SPEF2: variants seen among roughly 807,000 people sequenced by gnomAD.
SPEF2 encodes sperm flagellar and cilia associated 2, also known as sperm flagella and cilia-associated protein 2.
A neutral mutation model predicts 224.6 loss-of-function variants in SPEF2; 187 were observed. The ratio of observed to expected loss-of-function variants is 0.83; its 90% CI spans 0.74 to 0.94. SPEF2 has a LOEUF of 0.94. Among genes scored for constraint, SPEF2 ranks in the 40% least tolerant of loss-of-function variants. The pLI is 0.00. For synonymous variants in SPEF2, 715 were observed against 707.3 expected (o/e 1.01, Z -0.17); for missense variants, 2,170 against 2,135.6 (o/e 1.02, Z -0.32).
chr5:35,709,262 G>A, intron 19 of SPEF2, 141 bp downstream of exon 19: 1 of 1,470,282 alleles, frequency 6.8e-7, no homozygotes, highest in African/African-American at 1.4e-5. Context: ...AGATGGAAGT[G>A]GAAAAGCCCT....
In SPEF2 at chr5:35,727,701, G is replaced by A. The variant is rs1744900180; in HGVS notation, c.2941G>A (p.Gly981Arg). 6.2e-7 allele frequency: 1 copy of A among 1,613,542 alleles called. No homozygotes were observed. The highest frequency in any genetic ancestry group is 8.5e-7 in the Non-Finnish European group (1 of 1,179,768). ...KGSPKGKSSGGKVPVKKSPAD... is the reference protein window; with the variant it reads ...KGSPKGKSSGRKVPVKKSPAD... ...TTCTCCTAAAGGAAAATCATCAGGA[G>A]GAAAAGTACCAGTAAAGAAATCACC... Residue 981 changes from glycine (G) to arginine (R), a missense_variant, in exon 21 of 37, where the codon GGA (glycine) becomes AGA (arginine). Gly to Arg is a moderately radical substitution (Grantham distance 125, BLOSUM62 -2). Coordinates refer to ENST00000356031, the MANE Select transcript of SPEF2 (RefSeq NM_024867.4).
intron 16 of SPEF2, among the ~76,000 whole-genome samples, chr5:35,703,710 C>T (rs7448742): frequency 0.45 from 67,888 of 151,496 alleles, 16,095 homozygotes; most frequent in Non-Finnish European, 0.53. Context: ...AAGAGCACTC[C>T]CACAGTTTTC....
chr5:35,618,317 C>G (rs2112084547), intron 1 of SPEF2, among the ~76,000 whole-genome samples: 1 of 152,304 alleles, frequency 6.6e-6, no homozygotes, highest in South Asian at 2.1e-4. Flanking sequence ...ACCCTTGTCA[C>G]GGTGGGCCCA....
chr5:35,758,207 G>A (rs1036729114), intron 24 of SPEF2, among the ~76,000 whole-genome samples: 1 of 151,240 alleles, frequency 6.6e-6, no homozygotes, highest in African/African-American at 2.4e-5. Flanking sequence ...TGAACATTAG[G>A]TCAATTTTGT....
In SPEF2 at chr5:35,727,759, T is replaced by C; in HGVS notation, c.2999T>C (p.Ile1000Thr). ...ADSTDTSPVA[I>T]VPQPPKPGSE... ...TCTACAGATACATCACCTGTTGCAA[T>C]AGTGCCACAGCCACCTAAGCCAGGA... Residue 1000 changes from isoleucine to threonine, a missense_variant, in exon 21 of 37, where the codon ATA (isoleucine) becomes ACA (threonine). Coordinates refer to ENST00000356031, the MANE Select transcript of SPEF2 (RefSeq NM_024867.4). 16 of 1,613,992 alleles carry C rather than the reference T, an allele frequency of 9.9e-6. No homozygotes were observed. Among genetic ancestry groups the C allele is most frequent in the Non-Finnish European group, 1.3e-5 (15 of 1,179,886 alleles).
At chr5:35,712,197 G>T (rs75179973) in intron 19 of SPEF2, among the ~76,000 whole-genome samples, 2,791 of 151,706 alleles carry the variant, frequency 0.018, 101 homozygotes, top group African/African-American at 0.065. Context: ...AAATAATGTG[G>T]TTATTTACCT....
chr5:35,793,381 A>G, intron 32 of SPEF2, 40 bp downstream of exon 32: 1 of 1,579,114 alleles, frequency 6.3e-7, no homozygotes, highest in Non-Finnish European at 8.6e-7. Flanking sequence ...ACACCAGAAC[A>G]CTTGTGACCT....
At chr5:35,791,688 G>A (rs1476498950) in intron 30 of SPEF2, 1 of 152,044 alleles carries the variant, frequency 6.6e-6, no homozygotes, top group Non-Finnish European at 1.5e-5. Flanking sequence ...GAAAAACAAG[G>A]TAGACATCTC....
Position 35,771,763 on chromosome 5 carries a change from A to G in SPEF2, c.3949+7A>G. On this transcript the variant is annotated splice_region_variant and intron_variant, in intron 27 of 36. Transcript: ENST00000356031. ...GAAGACAAAAAACCCAAAGGTATTT[A>G]TGGTTTTAGCACTCAGAACCCTGGA... 1 of 1,586,588 alleles carries G rather than the reference A, an allele frequency of 6.3e-7. No homozygotes were observed.
At chr5:35,806,157 G>T (rs1758020299) in intron 34 of SPEF2, among the ~76,000 whole-genome samples, 1 of 152,162 alleles carries the variant, frequency 6.6e-6, no homozygotes, top group African/African-American at 2.4e-5. Context: ...ACTCATGAGT[G>T]CCTGAGTTCA....
chr5:35,719,557 G>A (rs1743229970), intron 20 of SPEF2, among the ~76,000 whole-genome samples: 1 of 152,006 alleles, frequency 6.6e-6, no homozygotes, highest in African/African-American at 2.4e-5. Context: ...TGTGAGGTGG[G>A]TGGCCCTCTT....
chr5:35,680,269 T>G (rs1431883112), intron 10 of SPEF2, among the ~76,000 whole-genome samples: 1 of 152,172 alleles, frequency 6.6e-6, no homozygotes, highest in Non-Finnish European at 1.5e-5. Flanking sequence ...AATCATACGA[T>G]AGGTTGTTAC....
intron 8 of SPEF2, among the ~76,000 whole-genome samples, chr5:35,661,247 GTATATATTATATATATATA>G (rs1382770550): frequency 1.4e-5 from 1 of 73,326 alleles, no homozygotes; most frequent in Non-Finnish European, 2.8e-5. Flanking sequence ...TTTTTTTTTG[GTATATATTATATATATATA>G]TATATATATA....
chr5:35,639,804 G>C lies in SPEF2; in HGVS notation c.162-1627G>C, dbSNP rs545207494. ...TCTTAGCAAGCAAGGACTGCTGGTAGAGAGGTCCCTCAGAGGTCATCATTT... is the reference window on the plus strand; with the variant it reads ...TCTTAGCAAGCAAGGACTGCTGGTACAGAGGTCCCTCAGAGGTCATCATTT... On this transcript the variant is annotated intron_variant, in intron 2 of 36. Coordinates refer to ENST00000356031, the MANE Select transcript of SPEF2 (RefSeq NM_024867.4). 9.2e-5 allele frequency among the ~76,000 whole-genome samples: 14 copies of C among 152,114 alleles called. 1 individual carries two copies. The highest frequency in any genetic ancestry group is 6.3e-4 in the South Asian group (3 of 4,800).
intron 10 of SPEF2, among the ~76,000 whole-genome samples, chr5:35,677,806 A>G (rs979109269): frequency 6.6e-6 from 1 of 152,208 alleles, no homozygotes; most frequent in African/African-American, 2.4e-5. Context: ...AAGGGAGAGG[A>G]TCTCCCAGAA....
At chr5:35,800,354 A>G (rs1017423335) in intron 34 of SPEF2, among the ~76,000 whole-genome samples, 39 of 152,206 alleles carry the variant, frequency 2.6e-4, no homozygotes, top group Admixed American at 2.0e-3. Flanking sequence ...TTTTTGTGGT[A>G]AAATCAAGAT....
At chr5:35,791,422 T>A (rs1352897376) in intron 30 of SPEF2, 1 of 152,176 alleles carries the variant, frequency 6.6e-6, no homozygotes, top group East Asian at 1.9e-4. Flanking sequence ...TCATGTGGAC[T>A]TTTAGAAATG....
At chr5:35,718,642 C>T (rs1038226034) in intron 20 of SPEF2, among the ~76,000 whole-genome samples, 5 of 152,134 alleles carry the variant, frequency 3.3e-5, no homozygotes, top group Admixed American at 6.5e-5. Context: ...TCCTCTTACC[C>T]ATGTATGCCT....
rs528642394 is a variant in SPEF2 at position 35,642,307 on chromosome 5, A to G, written c.414+624A>G. Among the ~76,000 whole-genome samples the G allele has an allele frequency of 3.9e-5, 6 of 152,228 alleles. No individual in the cohort carries two copies. The South Asian group carries it at 1.2e-3, about 32-fold the overall frequency. ...AGTCTGTCCTTAAATATGACTGTCTATTCCTGCTCTTCCTTCCCTCAAACC... is the reference window on the plus strand; with the variant it reads ...AGTCTGTCCTTAAATATGACTGTCTGTTCCTGCTCTTCCTTCCCTCAAACC... On this transcript the variant is annotated intron_variant, in intron 3 of 36. Coordinates refer to ENST00000356031, the MANE Select transcript of SPEF2 (RefSeq NM_024867.4).
Sources: allele counts gnomAD v4.1 joint callset (sites outside exome capture counted in the v4.1 genomes callset), GRCh38; gene constraint gnomAD v4.1.1; transcripts MANE v1.5; gene names NCBI Gene and HGNC (gene_info 2026-07-23, HGNC 2026-07-21).